TMEM185A: variants seen among roughly 807,000 people sequenced by gnomAD.
TMEM185A encodes the protein family with sequence similarity 11, member A.
TMEM185A carries 9 observed loss-of-function variants against 25.0 expected under a neutral mutation model. The observed-to-expected ratio is 0.36, with a 90% CI of 0.22 to 0.63. The LOEUF (loss-of-function observed/expected upper bound fraction) is 0.63. TMEM185A is among the 20% of genes least tolerant of loss of function. The probability of loss-of-function intolerance (pLI) is 0.68; values close to 1 mark genes in which losing one functional copy is unlikely to be tolerated. For synonymous variants in TMEM185A, 45 were observed against 93.5 expected, an observed-to-expected ratio of 0.48 and a Z score of 2.99; for missense variants, 103 against 237.4, an observed-to-expected ratio of 0.43 and a Z score of 3.72.
intron 3 of TMEM185A, among the ~76,000 whole-genome samples, chrX:149,604,704 C>T (rs1271607911): frequency 1.8e-5 from 2 of 111,508 alleles, no homozygotes; most frequent in East Asian, 2.8e-4. Context: ...TATGCAAGCC[C>T]CTACTATCTC....
Position 149,631,729 on chromosome X carries a change from T to TCGCCGCCGCCGCCGCCGC in TMEM185A, c.-150_-149insGCGGCGGCGGCGGCGGCG, listed in dbSNP as rs1368795487. ...GCTGCCGTCCCCGCTGCCGTCGCCG[T>TCGCCGCCGCCGCCGCCGC]CGCCGTCGCCGCCGCCGCCGCCGCC... On this transcript the variant is annotated 5_prime_UTR_variant, in exon 1 of 7. Coordinates refer to ENST00000600449, the MANE Select transcript of TMEM185A (RefSeq NM_032508.4). 1.6e-5 allele frequency: 7 copies of TCGCCGCCGCCGCCGCCGC among 438,382 alleles called. No individual in the cohort carries two copies. The East Asian group carries it at 2.5e-4, about 16-fold the overall frequency. The allele number at this position is 438,382 out of a possible 1,213,427, so 36.1% of individuals were successfully genotyped here.
intron 1 of TMEM185A, among the ~76,000 whole-genome samples, chrX:149,621,148 T>C (rs2090137995): frequency 9.0e-6 from 1 of 111,458 alleles, no homozygotes; most frequent in Non-Finnish European, 1.9e-5. Flanking sequence ...AGGATTCATA[T>C]GTAAATTAGA....
intron 1 of TMEM185A, among the ~76,000 whole-genome samples, chrX:149,613,468 T>C (rs143625204): frequency 0.013 from 1,407 of 111,848 alleles, 20 homozygotes; most frequent in African/African-American, 0.044. Flanking sequence ...GCAAGGTAAA[T>C]GGGACCTCAG....
intron 4 of TMEM185A, among the ~76,000 whole-genome samples, chrX:149,602,682 A>C (rs781914741): frequency 8.9e-6 from 1 of 112,481 alleles, no homozygotes; most frequent in East Asian, 2.8e-4. Context: ...CAAAATTACT[A>C]ATCTTTTTTT....
intron 2 of TMEM185A, among the ~76,000 whole-genome samples, chrX:149,609,968 G>T (rs1012902803): frequency 9.0e-6 from 1 of 111,394 alleles, no homozygotes; most frequent in Non-Finnish European, 1.9e-5. Context: ...CAGCCACACA[G>T]GTCATCAATC....
chrX:149,621,059 C>G (rs2090137386), intron 1 of TMEM185A, among the ~76,000 whole-genome samples: 1 of 112,053 alleles, frequency 8.9e-6, no homozygotes. Flanking sequence ...TTACCAGAAA[C>G]AATGGACTTG....
intron 1 of TMEM185A, among the ~76,000 whole-genome samples, chrX:149,619,292 C>T (rs1557355326): frequency 1.8e-5 from 2 of 111,678 alleles, no homozygotes; most frequent in African/African-American, 6.5e-5. Flanking sequence ...CCAACTTCAT[C>T]AGAAATATTT....
chrX:149,602,158 T>A (rs1309184900), intron 4 of TMEM185A: 1 of 107,141 alleles, frequency 9.3e-6, no homozygotes, highest in African/African-American at 3.4e-5. Flanking sequence ...TCTCTGTATG[T>A]TCTGGGTGCA....
At chrX:149,623,633 G>C (rs1557355740) in intron 1 of TMEM185A, among the ~76,000 whole-genome samples, 1 of 107,919 alleles carries the variant, frequency 9.3e-6, no homozygotes, top group Non-Finnish European at 1.9e-5. Context: ...AAAAAAAAAA[G>C]AGGCAAAAGA....
At chrX:149,603,938 C>G (rs781893545) in intron 4 of TMEM185A, 49 bp downstream of exon 4, 1 of 1,071,581 alleles carries the variant, frequency 9.3e-7, no homozygotes, top group Non-Finnish European at 1.3e-6. Flanking sequence ...ATATGAATTA[C>G]TTTTATAATA....
At chrX:149,604,153 A>G in intron 3 of TMEM185A, 83 bp from the exon 4 acceptor site, 1 of 626,827 alleles carries the variant, frequency 1.6e-6, no homozygotes. Flanking sequence ...ACTAAAAGAC[A>G]ATACACATTA....
intron 1 of TMEM185A, among the ~76,000 whole-genome samples, chrX:149,629,363 C>T (rs1271351558): frequency 9.0e-6 from 1 of 111,448 alleles, no homozygotes; most frequent in Non-Finnish European, 1.9e-5. Context: ...CCTGTGTACA[C>T]CCCTCAGTTT....
chrX:149,627,156 TG>T (rs1170727398), intron 1 of TMEM185A, among the ~76,000 whole-genome samples: 7 of 112,219 alleles, frequency 6.2e-5, no homozygotes, highest in Non-Finnish European at 9.4e-5. Context: ...GCTGTCTCAG[TG>T]GGGGGAAACC....
At position 149,631,775 on chromosome X, in the gene TMEM185A, C is replaced by A; in HGVS notation, c.-195G>T. 3.3e-6 allele frequency: 1 copy of A among 304,292 alleles called. No homozygotes were observed. Among genetic ancestry groups the A allele is most frequent in the Non-Finnish European group, 5.4e-6 (1 of 184,457 alleles). The allele number at this position is 304,292 out of a possible 1,213,427, so 25.1% of individuals were successfully genotyped here. ...CCGCCGCCGCCGCCGCCGCCGCCGC[C>A]GCCGCCCGGAGAAACCTGAGCCACC... On this transcript the variant is annotated 5_prime_UTR_variant, in exon 1 of 7. Coordinates refer to ENST00000600449, the MANE Select transcript of TMEM185A (RefSeq NM_032508.4).
Position 149,600,481 on chromosome X carries a change from TG to T in TMEM185A, c.508-3del. The T allele has an allele frequency of 3.3e-6, 1 of 298,811 alleles. No homozygotes were observed. Among genetic ancestry groups the T allele is most frequent in the African/African-American group, 1.3e-4 (1 of 7,648 alleles). 24.6% of individuals were successfully genotyped at this position (298,811 alleles called of 1,213,427 possible). On this transcript the variant is annotated splice_region_variant and splice_polypyrimidine_tract_variant and intron_variant, in intron 4 of 6. Coordinates refer to ENST00000600449, the MANE Select transcript of TMEM185A (RefSeq NM_032508.4). The stretch of plus-strand genomic sequence containing the variant: ...AATCCACAGCGGGACACACACAACC[TG>T]GGGGTGGGTGAGAGAACAGCAAGAG...
chrX:149,631,218 C>T (rs1188213318), intron 1 of TMEM185A, among the ~76,000 whole-genome samples: 1 of 108,997 alleles, frequency 9.2e-6, no homozygotes, highest in Non-Finnish European at 1.9e-5. Context: ...GAGGATGGAA[C>T]CGAGACGAAG....
At chrX:149,609,486 A>T (rs1281185603) in intron 2 of TMEM185A, among the ~76,000 whole-genome samples, 1 of 113,092 alleles carries the variant, frequency 8.8e-6, no homozygotes, top group East Asian at 2.7e-4. Context: ...GTTCTCAAAC[A>T]AAATCAGTTT....
chrX:149,605,589 T>G (rs1557353298), intron 3 of TMEM185A, among the ~76,000 whole-genome samples: 1 of 111,473 alleles, frequency 9.0e-6, no homozygotes, highest in African/African-American at 3.3e-5. Context: ...CCATGTCACT[T>G]GGAGGCACAA....
At chrX:149,625,932 G>A (rs1322389593) in intron 1 of TMEM185A, among the ~76,000 whole-genome samples, 1 of 111,909 alleles carries the variant, frequency 8.9e-6, no homozygotes, top group Non-Finnish European at 1.9e-5. Context: ...TTAGCATACT[G>A]GATCTACAAT....
Sources: gnomAD v4.1 joint callset for allele counts (sites outside exome capture counted in the v4.1 genomes callset) on GRCh38, gnomAD v4.1.1 for gene constraint, MANE v1.5 for transcripts, NCBI Gene and HGNC (gene_info 2026-07-23, HGNC 2026-07-21) for gene names.